ERBB4: variants seen among roughly 807,000 people sequenced by gnomAD.
ERBB4 encodes the protein receptor tyrosine-protein kinase erbB-4.
Under a neutral mutation model 158.0 loss-of-function variants are expected in ERBB4, and 42 were observed. The ratio of observed to expected loss-of-function variants is 0.27; its 90% CI spans 0.21 to 0.34. ERBB4 has a LOEUF of 0.34. Ranked by LOEUF, ERBB4 falls within the 10% of genes least tolerant of loss-of-function variation. The pLI is 1.00. For missense variants in ERBB4, 1,333 were observed against 1,624.1 expected (o/e 0.82, Z 3.08); for synonymous variants, 583 against 558.7 (o/e 1.04, Z -0.61).
At chr2:212,521,016 C>A (rs1692131052) in intron 1 of ERBB4, among the ~76,000 whole-genome samples, 1 of 151,880 alleles carries the variant, frequency 6.6e-6, no homozygotes, top group African/African-American at 2.4e-5. Flanking sequence ...CAAATTCTGT[C>A]AGTGTTTGTG....
chr2:211,701,734 GCA>G (rs1164795040), intron 12 of ERBB4, among the ~76,000 whole-genome samples: 2 of 122,256 alleles, frequency 1.6e-5, no homozygotes, highest in East Asian at 5.0e-4. Flanking sequence ...CTAGCCTGGG[GCA>G]ACAGAGCGAG....
chr2:211,682,447 G>A (rs2072387368), intron 12 of ERBB4, among the ~76,000 whole-genome samples: 1 of 152,056 alleles, frequency 6.6e-6, no homozygotes, highest in Admixed American at 6.6e-5. Context: ...CAATTCAAAT[G>A]CTAACCTCAT....
chr2:212,522,389 T>TATTAATTGTTAA (rs1352200648), intron 1 of ERBB4, among the ~76,000 whole-genome samples: 2 of 151,930 alleles, frequency 1.3e-5, no homozygotes, highest in Non-Finnish European at 2.9e-5. Flanking sequence ...TGTACAGAAG[T>TATTAATTGTTAA]TTATAACAAT....
intron 3 of ERBB4, among the ~76,000 whole-genome samples, chr2:211,904,520 T>G (rs2125040363): frequency 6.6e-6 from 1 of 152,210 alleles, no homozygotes; most frequent in South Asian, 2.1e-4. Flanking sequence ...ACAGTAGAAC[T>G]TATCTCAAAG....
chr2:212,210,090 TCTC>T (rs2082886321), intron 1 of ERBB4, among the ~76,000 whole-genome samples: 1 of 151,858 alleles, frequency 6.6e-6, no homozygotes, highest in Admixed American at 6.6e-5. Flanking sequence ...TGAGGCCTAA[TCTC>T]ATCAAATAAC....
At chr2:212,379,018 T>A (rs1038076781) in intron 1 of ERBB4, among the ~76,000 whole-genome samples, 5 of 151,840 alleles carry the variant, frequency 3.3e-5, no homozygotes, top group African/African-American at 1.2e-4. Flanking sequence ...ACATTTATAG[T>A]AGAAATAATC....
intron 14 of ERBB4, among the ~76,000 whole-genome samples, chr2:211,671,019 A>G (rs2105933462): frequency 6.6e-6 from 1 of 152,234 alleles, no homozygotes; most frequent in African/African-American, 2.4e-5. Context: ...AATTAGAAAA[A>G]AATATGGTGT....
chr2:212,222,529 C>G (rs942432743), intron 1 of ERBB4, among the ~76,000 whole-genome samples: 3 of 151,482 alleles, frequency 2.0e-5, no homozygotes, highest in Non-Finnish European at 4.4e-5. Flanking sequence ...TCTTAACCTA[C>G]TTAACTTTTT....
intron 3 of ERBB4, among the ~76,000 whole-genome samples, chr2:211,795,250 G>A (rs2076358379): frequency 6.6e-6 from 1 of 151,806 alleles, no homozygotes; most frequent in African/African-American, 2.4e-5. Context: ...TAGTTGACTG[G>A]ATAAAATAAA....
At chr2:212,299,872 A>G (rs1264792392) in intron 1 of ERBB4, among the ~76,000 whole-genome samples, 1 of 151,622 alleles carries the variant, frequency 6.6e-6, no homozygotes, top group African/African-American at 2.4e-5. Context: ...CACGGCAGAA[A>G]TTTTGTTTGT....
At chr2:212,099,548 A>G (rs1400904117) in intron 2 of ERBB4, among the ~76,000 whole-genome samples, 1 of 152,184 alleles carries the variant, frequency 6.6e-6, no homozygotes, top group Non-Finnish European at 1.5e-5. Context: ...CACAATTAAT[A>G]GCTATCTCCA....
At chr2:211,425,587 A>T (rs1406942004) in intron 22 of ERBB4, among the ~76,000 whole-genome samples, 1 of 151,940 alleles carries the variant, frequency 6.6e-6, no homozygotes, top group Non-Finnish European at 1.5e-5. Context: ...AGTTAAGTGG[A>T]TGACTGTTCA....
chr2:212,178,604 A>T (rs904818796), intron 1 of ERBB4, among the ~76,000 whole-genome samples: 1 of 151,728 alleles, frequency 6.6e-6, no homozygotes, highest in Admixed American at 6.6e-5. Flanking sequence ...CCTAAGCTTC[A>T]TGGGTAAAAA....
intron 2 of ERBB4, among the ~76,000 whole-genome samples, chr2:212,067,108 A>C (rs2077969621): frequency 1.3e-5 from 2 of 152,160 alleles, no homozygotes; most frequent in Admixed American, 6.6e-5. Flanking sequence ...AATTTGGTAT[A>C]GCACACCTTT....
At chr2:211,810,821 C>T (rs1401945695) in intron 3 of ERBB4, among the ~76,000 whole-genome samples, 6 of 151,800 alleles carry the variant, frequency 4.0e-5, no homozygotes, top group East Asian at 3.9e-4. Context: ...TACAGGCGCC[C>T]GCCACCGCGC....
intron 1 of ERBB4, among the ~76,000 whole-genome samples, chr2:212,388,059 G>A (rs1348669365): frequency 6.6e-6 from 1 of 152,034 alleles, no homozygotes; most frequent in Non-Finnish European, 1.5e-5. Context: ...TATGCCGTTA[G>A]AGAGAATATA....
chr2:211,990,035 G>C (rs1439701937), intron 2 of ERBB4, among the ~76,000 whole-genome samples: 1 of 150,320 alleles, frequency 6.7e-6, no homozygotes, highest in South Asian at 2.1e-4. Flanking sequence ...GTATAACTAA[G>C]TTAGGAATGA....
At chr2:211,784,880 T>A (rs1329406399) in intron 4 of ERBB4, among the ~76,000 whole-genome samples, 6 of 152,180 alleles carry the variant, frequency 3.9e-5, no homozygotes, top group Non-Finnish European at 8.8e-5. Flanking sequence ...CATCTTTTTA[T>A]ATGCTTGTTG....
intron 20 of ERBB4, among the ~76,000 whole-genome samples, chr2:211,508,125 T>C (rs1210560928): frequency 6.6e-6 from 1 of 151,952 alleles, no homozygotes; most frequent in African/African-American, 2.4e-5. Context: ...AAACCCAAAA[T>C]TGACAAATGG....
Sources: allele counts gnomAD v4.1 joint callset (sites outside exome capture counted in the v4.1 genomes callset), GRCh38; gene constraint gnomAD v4.1.1; transcripts MANE v1.5; gene names NCBI Gene and HGNC (gene_info 2026-07-23, HGNC 2026-07-21).